SPPL2A: variants seen among roughly 807,000 people sequenced by gnomAD.
SPPL2A encodes signal peptide peptidase-like 2A.
SPPL2A carries 51 observed loss-of-function variants against 63.8 expected under a neutral mutation model. That is an observed-to-expected ratio of 0.80 (90% CI 0.64 to 1.01). The LOEUF is 1.01. Ranked by LOEUF, SPPL2A falls within the 50% of genes least tolerant of loss-of-function variation. The pLI is 0.00. For synonymous variants in SPPL2A, 188 were observed against 205.8 expected (o/e 0.91, Z 0.74); for missense variants, 553 against 622.7 (o/e 0.89, Z 1.19).
chr15:50,744,008 C>G (rs1212316323), intron 5 of SPPL2A, among the ~76,000 whole-genome samples: 2 of 151,680 alleles, frequency 1.3e-5, no homozygotes, highest in Admixed American at 6.6e-5. Flanking sequence ...AACCCCATCT[C>G]TACTAAAAAA....
chr15:50,756,858 C>T (rs951521613), intron 1 of SPPL2A, among the ~76,000 whole-genome samples: 3 of 152,104 alleles, frequency 2.0e-5, no homozygotes, highest in South Asian at 2.1e-4. Context: ...TCTCTAAAAC[C>T]GAGATCAGTA....
At chr15:50,732,816 TCTCA>T in intron 8 of SPPL2A, 132 bp from the exon 9 acceptor site, 1 of 603,904 alleles carries the variant, frequency 1.7e-6, no homozygotes, top group African/African-American at 1.9e-5. Flanking sequence ...TAAGACAGAT[TCTCA>T]CTCTGTCACC....
At chr15:50,737,434 T>C (rs186817047) in intron 6 of SPPL2A, among the ~76,000 whole-genome samples, 1 of 152,236 alleles carries the variant, frequency 6.6e-6, no homozygotes, top group Non-Finnish European at 1.5e-5. Context: ...AACAACAGTT[T>C]AAAATGAGTG....
intron 8 of SPPL2A, among the ~76,000 whole-genome samples, chr15:50,733,948 T>C (rs1289801742): frequency 6.6e-6 from 1 of 151,990 alleles, no homozygotes; most frequent in Non-Finnish European, 1.5e-5. Flanking sequence ...TGATTGCAAT[T>C]AGAGAAATGT....
At chr15:50,754,708 C>T (rs193171971) in intron 1 of SPPL2A, among the ~76,000 whole-genome samples, 8 of 152,276 alleles carry the variant, frequency 5.3e-5, no homozygotes, top group African/African-American at 1.2e-4. Context: ...TTATTAAAAA[C>T]GCAAATTGGC....
intron 14 of SPPL2A, among the ~76,000 whole-genome samples, chr15:50,719,068 A>G (rs1362153118): frequency 6.6e-6 from 1 of 152,130 alleles, no homozygotes; most frequent in African/African-American, 2.4e-5. Flanking sequence ...TACCAAGAAC[A>G]TTTAGGGGGA....
In SPPL2A at chr15:50,703,344, ATACATATATATATTTTTTT is replaced by A. The variant is rs1312096229; in HGVS notation, c.*4437_*4455del. 5 of 87,788 alleles carry A rather than the reference ATACATATATATATTTTTTT, an allele frequency of 5.7e-5. No homozygotes were observed. Among genetic ancestry groups the A allele is most frequent in the African/African-American group, 2.1e-4 (5 of 24,202 alleles). The allele number at this position is 87,788 out of a possible 1,614,324, so 5.4% of individuals were successfully genotyped here. ...TATATACATATATATATATATATATATACATATATATATTTTTTTTTTTTTTTTTTTTTTTTGAGATGGA... is the reference window on the plus strand; with the variant it reads ...TATATACATATATATATATATATATATTTTTTTTTTTTTTTTTGAGATGGA... On this transcript the variant is annotated 3_prime_UTR_variant, in exon 15 of 15. Coordinates refer to ENST00000261854, the MANE Select transcript of SPPL2A (RefSeq NM_032802.4).
intron 9 of SPPL2A, among the ~76,000 whole-genome samples, chr15:50,732,018 C>T (rs2062735635): frequency 6.6e-6 from 1 of 151,336 alleles, no homozygotes; most frequent in African/African-American, 2.4e-5. Context: ...CTTTGGGAGG[C>T]CAAATCAGAA....
rs1012847809 is a variant in SPPL2A, at chr15:50,765,663, G to T, written c.-130C>A. ...GGACAGGCGCGGGCGGCCGGGCTAC[G>T]ACTGGACCGCCGCTGCTACAGCGGC... is the stretch of plus-strand genomic sequence containing the variant. On this transcript the variant is annotated 5_prime_UTR_variant, in exon 1 of 15. Coordinates refer to ENST00000261854, the MANE Select transcript of SPPL2A (RefSeq NM_032802.4). 3 of 504,216 alleles carry T rather than the reference G, an allele frequency of 5.9e-6. No homozygotes were observed. Among genetic ancestry groups the T allele is most frequent in the East Asian group, 3.6e-5 (1 of 27,784 alleles). 31.2% of individuals were successfully genotyped at this position (504,216 alleles called of 1,614,324 possible).
At chr15:50,762,060 G>A (rs1484942613) in intron 1 of SPPL2A, among the ~76,000 whole-genome samples, 2 of 151,980 alleles carry the variant, frequency 1.3e-5, no homozygotes, top group Non-Finnish European at 2.9e-5. Context: ...AACTGGGGAA[G>A]GAGAGGTGCA....
chr15:50,710,133 A>C (rs886686241), intron 14 of SPPL2A, among the ~76,000 whole-genome samples: 1 of 152,136 alleles, frequency 6.6e-6, no homozygotes, highest in Non-Finnish European at 1.5e-5. Flanking sequence ...GTAGAGAGAA[A>C]ATTGAAGCAG....
intron 3 of SPPL2A, among the ~76,000 whole-genome samples, chr15:50,748,460 A>G (rs1037775775): frequency 2.0e-5 from 3 of 151,052 alleles, no homozygotes; most frequent in Non-Finnish European, 3.0e-5. Context: ...ATATATATGC[A>G]TATATATATA....
intron 14 of SPPL2A, among the ~76,000 whole-genome samples, chr15:50,719,254 T>G (rs1359409467): frequency 1.3e-5 from 2 of 151,874 alleles, no homozygotes; most frequent in Non-Finnish European, 2.9e-5. Flanking sequence ...AGAGGACACT[T>G]TTTTTTTGAG....
At chr15:50,764,396 C>T (rs573168381) in intron 1 of SPPL2A, 62 of 152,282 alleles carry the variant, frequency 4.1e-4, no homozygotes, top group African/African-American at 1.4e-3. Context: ...CTCTCAGGTT[C>T]CTGATGTTGC....
Position 50,749,723 on chromosome 15 carries a change from C to T in SPPL2A, c.90G>A (p.Leu30=), listed in dbSNP as rs768930490. Residue 30 remains leucine (L), a synonymous_variant, in exon 2 of 15, where the codon TTG becomes TTA. Coordinates refer to ENST00000261854, the MANE Select transcript of SPPL2A (RefSeq NM_032802.4). ...TGGTTGTGCCATTTCCAGACGCATG[C>T]AAGATTGCTTCCTGAGCGGCTGTCT... ...LQLTAAQEAI[L]HASGNGTTKD... 4 of 1,613,168 alleles carry T rather than the reference C, an allele frequency of 2.5e-6. No individual in the cohort carries two copies. The East Asian group carries it at 8.9e-5, about 36-fold the overall frequency.
At chr15:50,759,479 C>T (rs2062990093) in intron 1 of SPPL2A, among the ~76,000 whole-genome samples, 1 of 152,134 alleles carries the variant, frequency 6.6e-6, no homozygotes, top group African/African-American at 2.4e-5. Context: ...CGCAGTGGCT[C>T]ACGCCTGTAA....
intron 8 of SPPL2A, among the ~76,000 whole-genome samples, chr15:50,735,787 G>C (rs534148813): frequency 6.6e-6 from 1 of 152,232 alleles, no homozygotes; most frequent in African/African-American, 2.4e-5. Flanking sequence ...ATGTTGGTCA[G>C]GCTGGTCTCA....
At chr15:50,716,650 A>G (rs1490341637) in intron 14 of SPPL2A, among the ~76,000 whole-genome samples, 1 of 152,208 alleles carries the variant, frequency 6.6e-6, no homozygotes, top group East Asian at 1.9e-4. Context: ...CTAAATTTCA[A>G]TTCTAAACTA....
chr15:50,713,441 T>G (rs1283185111), intron 14 of SPPL2A, among the ~76,000 whole-genome samples: 1 of 151,978 alleles, frequency 6.6e-6, no homozygotes, highest in Non-Finnish European at 1.5e-5. Context: ...ATTTTTGTAT[T>G]TTTAGTAGAG....
Sources: allele counts gnomAD v4.1 joint callset (sites outside exome capture counted in the v4.1 genomes callset), GRCh38; gene constraint gnomAD v4.1.1; transcripts MANE v1.5; gene names NCBI Gene and HGNC (gene_info 2026-07-23, HGNC 2026-07-21).